The following ACYP2 variants were observed in gnomAD, a reference collection of about 807,000 sequenced individuals.
The protein encoded by ACYP2 is acylphosphatase-2.
In ACYP2, 12 loss-of-function variants were observed where a neutral mutation model predicts 11.2. The observed-to-expected ratio is 1.08, with a 90% confidence interval of 0.69 to 1.74. The LOEUF is 1.74. Among genes scored for constraint, ACYP2 ranks in the 40% most tolerant of loss-of-function variants. ACYP2 has a pLI of 0.00. For synonymous variants in ACYP2, 43 were observed against 32.2 expected (o/e 1.33, Z -1.13); for missense variants, 134 against 101.9 (o/e 1.31, Z -1.35).
At chr2:54,087,242 T>C (rs1677991204) in intron 4 of ACYP2, among the ~76,000 whole-genome samples, 1 of 152,270 alleles carries the variant, frequency 6.6e-6, no homozygotes, top group Admixed American at 6.5e-5. Context: ...CTTGTACACA[T>C]GTCCAGACAA....
At chr2:54,044,757 TG>T (rs1167780962) in intron 2 of ACYP2, among the ~76,000 whole-genome samples, 3 of 152,154 alleles carry the variant, frequency 2.0e-5, no homozygotes, top group Admixed American at 6.5e-5. Flanking sequence ...TTTTTTTTTC[TG>T]CAATGACTTC....
At chr2:54,172,592 C>T (rs1683264118) in intron 6 of ACYP2, among the ~76,000 whole-genome samples, 1 of 152,132 alleles carries the variant, frequency 6.6e-6, no homozygotes, top group African/African-American at 2.4e-5. Flanking sequence ...CTCTACTAAT[C>T]TCTTTTTTCT....
rs111352326 is a variant in ACYP2 at position 54,262,066 on chromosome 2, G to A, written c.405-42622G>A. ...ATTTTCTACTAATGTAGCACTCATAGAAAGAAAATATACATTATTGTGCCT... is the reference window on the plus strand; with the variant it reads ...ATTTTCTACTAATGTAGCACTCATAAAAAGAAAATATACATTATTGTGCCT... On this transcript the variant is annotated intron_variant, in intron 6 of 6. Coordinates refer to ENST00000607452, the MANE Select transcript of ACYP2 (RefSeq NM_001320586.2). Among the ~76,000 whole-genome samples, 583 of 152,266 alleles carry A rather than the reference G, an allele frequency of 3.8e-3. 6 individuals carry two copies. Among genetic ancestry groups the A allele is most frequent in the African/African-American group, 0.013 (556 of 41,552 alleles).
intron 6 of ACYP2, among the ~76,000 whole-genome samples, chr2:54,189,357 A>G (rs758453440): frequency 2.6e-5 from 4 of 152,046 alleles, no homozygotes; most frequent in Admixed American, 6.6e-5. Flanking sequence ...CCACTGCCTT[A>G]TTCTCTAACT....
intron 2 of ACYP2, among the ~76,000 whole-genome samples, chr2:53,984,607 G>A (rs940574865): frequency 6.6e-6 from 1 of 150,722 alleles, no homozygotes; most frequent in East Asian, 1.9e-4. Flanking sequence ...CCAGAAAAGT[G>A]TGTGTATGCA....
chr2:54,210,601 A>AT (rs1412843895), intron 6 of ACYP2, among the ~76,000 whole-genome samples: 1 of 152,156 alleles, frequency 6.6e-6, no homozygotes, highest in African/African-American at 2.4e-5. Flanking sequence ...CTGTTTCTGT[A>AT]TTTGAATTTT....
At chr2:54,219,881 G>GTGTGTGTA (rs1222539416) in intron 6 of ACYP2, among the ~76,000 whole-genome samples, 1,052 of 99,226 alleles carry the variant, frequency 0.011, 38 homozygotes, top group African/African-American at 0.031. Flanking sequence ...GTGTGTGTGT[G>GTGTGTGTA]TATATATATA....
chr2:54,027,473 T>G (rs1349345003), intron 2 of ACYP2, among the ~76,000 whole-genome samples: 2 of 152,170 alleles, frequency 1.3e-5, no homozygotes, highest in Non-Finnish European at 2.9e-5. Flanking sequence ...CATCATACCT[T>G]TTGTCTTCCA....
rs574052480 is a variant in ACYP2 at position 53,975,958 on chromosome 2, C to A, written c.62+2148C>A. 2.6e-4 allele frequency among the ~76,000 whole-genome samples: 40 copies of A among 152,252 alleles called. 2 individuals carry two copies. In the South Asian group the frequency reaches 7.9e-3, roughly 30 times the overall value. On this transcript the variant is annotated intron_variant, in intron 2 of 6. Coordinates refer to ENST00000607452, the MANE Select transcript of ACYP2 (RefSeq NM_001320586.2). ...TTGCAAGACCCAGAAAATGCAGTGG[C>A]CCTTCAAAGAAAATATTCTAAAGAG...
At chr2:54,134,212 G>A (rs1175135904) in intron 4 of ACYP2, among the ~76,000 whole-genome samples, 1 of 152,120 alleles carries the variant, frequency 6.6e-6, no homozygotes, top group Non-Finnish European at 1.5e-5. Flanking sequence ...AAGATCCCTT[G>A]AGCCCAGGAG....
At chr2:54,010,475 ACT>A (rs1306714159) in intron 2 of ACYP2, among the ~76,000 whole-genome samples, 1 of 120,150 alleles carries the variant, frequency 8.3e-6, no homozygotes, top group East Asian at 2.4e-4. Flanking sequence ...CAAGAGTTAA[ACT>A]CTGTCTCAAA....
At chr2:54,062,816 A>G (rs1558502575) in intron 4 of ACYP2, among the ~76,000 whole-genome samples, 1 of 152,240 alleles carries the variant, frequency 6.6e-6, no homozygotes, top group Admixed American at 6.5e-5. Flanking sequence ...GCAAGGTCAC[A>G]GAGATTTTGC....
intron 6 of ACYP2, among the ~76,000 whole-genome samples, chr2:54,221,422 T>C (rs1322358251): frequency 6.6e-6 from 1 of 152,118 alleles, no homozygotes; most frequent in Non-Finnish European, 1.5e-5. Context: ...TCTCTATTAA[T>C]TGAAAAGTAG....
At chr2:54,132,897 A>C (rs1680996617) in intron 4 of ACYP2, among the ~76,000 whole-genome samples, 1 of 151,858 alleles carries the variant, frequency 6.6e-6, no homozygotes, top group Non-Finnish European at 1.5e-5. Context: ...GGCACCCACC[A>C]TTATGCCCAG....
intron 2 of ACYP2, among the ~76,000 whole-genome samples, chr2:53,980,478 G>C (rs1020911934): frequency 5.9e-5 from 9 of 152,192 alleles, no homozygotes; most frequent in African/African-American, 2.2e-4. Context: ...AGCACTGTGG[G>C]AGGCCAAGGC....
chr2:53,981,274 A>C (rs1160318309), intron 2 of ACYP2, among the ~76,000 whole-genome samples: 1 of 152,244 alleles, frequency 6.6e-6, no homozygotes, highest in Admixed American at 6.5e-5. Flanking sequence ...CACACAAAGC[A>C]AGGAAAGAAT....
At chr2:54,058,706 A>AT (rs1457493439) in intron 4 of ACYP2, among the ~76,000 whole-genome samples, 3 of 135,754 alleles carry the variant, frequency 2.2e-5, no homozygotes, top group East Asian at 2.7e-4. Context: ...CTTCTGGCTG[A>AT]TAATTTTTTT....
intron 2 of ACYP2, among the ~76,000 whole-genome samples, chr2:54,017,248 G>C (rs1342518688): frequency 7.3e-6 from 1 of 137,774 alleles, no homozygotes; most frequent in Non-Finnish European, 1.5e-5. Context: ...CATATTGGCC[G>C]TTAAGTTTCT....
intron 2 of ACYP2, among the ~76,000 whole-genome samples, chr2:54,011,276 A>AT (rs1328167071): frequency 2.0e-5 from 3 of 152,122 alleles, no homozygotes; most frequent in East Asian, 1.9e-4. Context: ...TTTTCATTAA[A>AT]TTTTTTTGAT....
Sources: allele counts gnomAD v4.1 joint callset (sites outside exome capture counted in the v4.1 genomes callset), GRCh38; gene constraint gnomAD v4.1.1; transcripts MANE v1.5; gene names NCBI Gene and HGNC (gene_info 2026-07-23, HGNC 2026-07-21).